Variants in CREB5 observed in about 807,000 individuals in gnomAD.
CREB5 encodes the protein cyclic AMP-responsive element-binding protein 5.
In CREB5, 19 loss-of-function variants were observed where a neutral mutation model predicts 57.1. The ratio of observed to expected loss-of-function variants is 0.33; its 90% confidence interval spans 0.23 to 0.49. The LOEUF (loss-of-function observed/expected upper bound fraction) is 0.49. Ranked by LOEUF, CREB5 falls within the 20% of genes least tolerant of loss-of-function variation. The pLI is 0.99. For missense variants in CREB5, 579 were observed against 671.6 expected (o/e 0.86, Z 1.52); for synonymous variants, 238 against 238.3 (o/e 1.00, Z 0.01).
chr7:28,399,418 T>TAAA (rs34901571), intron 1 of CREB5, among the ~76,000 whole-genome samples: 1 of 128,156 alleles, frequency 7.8e-6, no homozygotes, highest in Non-Finnish European at 1.7e-5. Flanking sequence ...ATCATTCTGG[T>TAAA]AAAAAAAAAA....
At chr7:28,336,835 A>C (rs1453950378) in intron 1 of CREB5, among the ~76,000 whole-genome samples, 1 of 151,812 alleles carries the variant, frequency 6.6e-6, no homozygotes, top group Non-Finnish European at 1.5e-5. Context: ...GCTTACAGCT[A>C]TAAAGTTCCC....
At chr7:28,739,329 G>A (rs57898586) in intron 7 of CREB5, among the ~76,000 whole-genome samples, 18,646 of 152,168 alleles carry the variant, frequency 0.12, 1,421 homozygotes, top group Admixed American at 0.17. Flanking sequence ...CATAGATAAG[G>A]AACATTTCCA....
intron 5 of CREB5, among the ~76,000 whole-genome samples, chr7:28,626,085 G>T (rs938220860): frequency 1.3e-5 from 2 of 152,200 alleles, no homozygotes; most frequent in South Asian, 4.1e-4. Flanking sequence ...TTCTATTTGG[G>T]TGTGTCATTT....
intron 5 of CREB5, among the ~76,000 whole-genome samples, chr7:28,678,500 A>C (rs183249015): frequency 1.3e-5 from 2 of 152,366 alleles, no homozygotes; most frequent in African/African-American, 4.8e-5. Context: ...AGCATTTAAA[A>C]GAGTCACTAT....
At chr7:28,579,669 C>T (rs574573427) in intron 5 of CREB5, among the ~76,000 whole-genome samples, 17 of 152,254 alleles carry the variant, frequency 1.1e-4, no homozygotes, top group African/African-American at 4.1e-4. Context: ...CTTGGTCCAG[C>T]GATGGTAATT....
At chr7:28,532,359 CAT>C (rs1793766678) in intron 4 of CREB5, among the ~76,000 whole-genome samples, 2 of 152,218 alleles carry the variant, frequency 1.3e-5, no homozygotes, top group Admixed American at 6.5e-5. Context: ...GAATTCCTGA[CAT>C]AGAGAAACCG....
At chr7:28,301,171 G>A (rs1377401330) in intron 1 of CREB5, among the ~76,000 whole-genome samples, 1 of 152,206 alleles carries the variant, frequency 6.6e-6, no homozygotes, top group Non-Finnish European at 1.5e-5. Flanking sequence ...ATTAGGAACT[G>A]TTCAGGTTGG....
intron 7 of CREB5, among the ~76,000 whole-genome samples, chr7:28,754,401 G>T (rs1583672784): frequency 6.6e-6 from 1 of 152,222 alleles, no homozygotes; most frequent in Non-Finnish European, 1.5e-5. Context: ...AACCTCAGCA[G>T]TGTATAATTT....
At chr7:28,428,329 G>A (rs1225075699) in intron 1 of CREB5, among the ~76,000 whole-genome samples, 1 of 152,204 alleles carries the variant, frequency 6.6e-6, no homozygotes, top group Non-Finnish European at 1.5e-5. Context: ...CTATTGGATA[G>A]TTTTGGGTAG....
chr7:28,331,816 TC>T (rs1475067739), intron 1 of CREB5, among the ~76,000 whole-genome samples: 2 of 138,814 alleles, frequency 1.4e-5, no homozygotes, highest in Non-Finnish European at 3.0e-5. Context: ...GCCATTGCAC[TC>T]CAGCCTGGGT....
chr7:28,560,626 G>T (rs538509166), intron 4 of CREB5, among the ~76,000 whole-genome samples: 3 of 152,088 alleles, frequency 2.0e-5, no homozygotes, highest in Non-Finnish European at 4.4e-5. Context: ...TCAAGAAGAG[G>T]CAAGGCAGAT....
intron 7 of CREB5, among the ~76,000 whole-genome samples, chr7:28,745,358 ATC>A (rs918417258): frequency 1.3e-5 from 2 of 152,192 alleles, no homozygotes; most frequent in African/African-American, 4.8e-5. Context: ...CTTGTGCTGT[ATC>A]TCTACATTTG....
At chr7:28,425,237 AT>A (rs1788453420) in intron 1 of CREB5, among the ~76,000 whole-genome samples, 2 of 152,198 alleles carry the variant, frequency 1.3e-5, no homozygotes, top group Non-Finnish European at 2.9e-5. Flanking sequence ...AATATGGTGC[AT>A]CCATATATTG....
At chr7:28,411,393 G>A (rs755540055), upstream of CREB5, among the ~76,000 whole-genome samples, 1 of 152,102 alleles carries the variant, frequency 6.6e-6, no homozygotes, top group Non-Finnish European at 1.5e-5. Context: ...AAATTGCTGC[G>A]TGCGTTAGTT....
intron 1 of CREB5, among the ~76,000 whole-genome samples, chr7:28,463,250 G>A (rs1270222903): frequency 6.6e-6 from 1 of 151,852 alleles, no homozygotes; most frequent in Non-Finnish European, 1.5e-5. Context: ...TAAATGTAAG[G>A]GTTACTTATG....
At chr7:28,560,957 T>TGTGCGTGCGTGCGC (rs1562798113) in intron 4 of CREB5, among the ~76,000 whole-genome samples, 1 of 43,438 alleles carries the variant, frequency 2.3e-5, no homozygotes, top group Non-Finnish European at 4.4e-5. Flanking sequence ...TGTGCGTGTG[T>TGTGCGTGCGTGCGC]GTGCGTGTGT....
intron 5 of CREB5, among the ~76,000 whole-genome samples, chr7:28,601,041 A>G (rs1056647592): frequency 4.6e-5 from 7 of 152,244 alleles, no homozygotes; most frequent in Admixed American, 3.9e-4. Flanking sequence ...AAAATGAGAG[A>G]GCAAAAGGAC....
At chr7:28,527,145 C>T (rs1279091586) in intron 4 of CREB5, among the ~76,000 whole-genome samples, 3 of 152,220 alleles carry the variant, frequency 2.0e-5, no homozygotes, top group African/African-American at 7.2e-5. Context: ...CCTTAGCAGG[C>T]TTTTCCAACA....
rs374971262 is a variant in CREB5 at position 28,324,225 on chromosome 7, A to T, written c.-25+24784A>T. Among the ~76,000 whole-genome samples, 23 of 152,226 alleles carry T rather than the reference A, an allele frequency of 1.5e-4. No homozygotes were observed. The East Asian group carries it at 4.1e-3, about 27-fold the overall frequency. On this transcript the variant is annotated intron_variant, in intron 1 of 9. Coordinates refer to the CREB5 transcript ENST00000396299. ...TATAAAACAAACCTTACATGATCCC[A>T]TTTTATCCTTCTAGCTTCTGCTCCA...
Sources: gnomAD v4.1 joint callset for allele counts (sites outside exome capture counted in the v4.1 genomes callset) on GRCh38, gnomAD v4.1.1 for gene constraint, MANE v1.5 for transcripts, NCBI Gene and HGNC (gene_info 2026-07-23, HGNC 2026-07-21) for gene names.